ZFP90: variants seen among roughly 807,000 people sequenced by gnomAD.
ZFP90 encodes the protein zinc finger protein 90 homolog.
In ZFP90, 38 loss-of-function variants were observed where a neutral mutation model predicts 60.8. The ratio of observed to expected loss-of-function variants is 0.62; its 90% CI spans 0.48 to 0.82. The LOEUF (loss-of-function observed/expected upper bound fraction) is 0.82, where lower values mean the gene tolerates loss of function less well. ZFP90 is among the 40% of genes least tolerant of loss of function. ZFP90 has a pLI of 0.00. For synonymous variants in ZFP90, 287 were observed against 264.8 expected (o/e 1.08, Z -0.82); for missense variants, 711 against 759.1 (o/e 0.94, Z 0.74).
downstream of ZFP90, among the ~76,000 whole-genome samples, chr16:68,569,134 C>A (rs534264642): frequency 2.5e-4 from 20 of 80,688 alleles, no homozygotes; most frequent in African/African-American, 9.1e-4. Flanking sequence ...CAATTAGTCC[C>A]ACTTTTTTTT....
chr16:68,559,085 C>G (rs1041446016), intron 4 of ZFP90, among the ~76,000 whole-genome samples: 1 of 152,136 alleles, frequency 6.6e-6, no homozygotes, highest in Non-Finnish European at 1.5e-5. Flanking sequence ...TCTCCCAGTT[C>G]CTCGCTTGTT....
At chr16:68,570,651 C>T (rs1039455494), downstream of ZFP90, among the ~76,000 whole-genome samples, 2 of 152,262 alleles carry the variant, frequency 1.3e-5, no homozygotes, top group South Asian at 4.1e-4. Context: ...GCTTTCAGCA[C>T]TGTCTGCTGG....
chr16:68,558,443 A>G (rs369641252), intron 3 of ZFP90, 30 bp from the exon 4 acceptor site: 1 of 1,604,800 alleles, frequency 6.2e-7, no homozygotes, highest in Non-Finnish European at 8.5e-7. Flanking sequence ...TGCACAAACA[A>G]CCAAATCTTG....
At chr16:68,544,424 C>CA (rs971482796) in intron 2 of ZFP90, among the ~76,000 whole-genome samples, 1 of 151,776 alleles carries the variant, frequency 6.6e-6, no homozygotes, top group East Asian at 1.9e-4. Context: ...AACAAACAAA[C>CA]AAAAAAACAG....
chr16:68,563,593 T>A lies in ZFP90; in HGVS notation c.806T>A (p.Leu269His). 4 of 1,614,194 alleles carry A rather than the reference T, an allele frequency of 2.5e-6. No homozygotes were observed. Among genetic ancestry groups the A allele is most frequent in the Non-Finnish European group, 3.4e-6 (4 of 1,180,026 alleles). The stretch of plus-strand genomic sequence containing the variant: ...AAAACCTTTCTCTGGAAGACACAGC[T>A]TACTGAGCATCAGAGAATTCACACT... ...CGKTFLWKTQ[L>H]TEHQRIHTGE... The change falls in exon 5 of 5, where the codon CTT becomes CAT. Residue 269 changes from leucine (L) to histidine (H), a missense_variant. By Grantham distance (99) the Leu-to-His change is moderately conservative. Coordinates refer to ENST00000563169, the MANE Select transcript of ZFP90 (RefSeq NM_001305203.2).
At chr16:68,548,021 T>G (rs576501948) in intron 2 of ZFP90, among the ~76,000 whole-genome samples, 37 of 152,076 alleles carry the variant, frequency 2.4e-4, no homozygotes, top group Non-Finnish European at 4.7e-4. Context: ...GAGATGGAGT[T>G]TCACCATGTC....
chr16:68,561,394 G>A (rs530648981), intron 4 of ZFP90, among the ~76,000 whole-genome samples: 1 of 152,018 alleles, frequency 6.6e-6, no homozygotes, highest in East Asian at 1.9e-4. Context: ...TCCTCATTAG[G>A]CAATATATTC....
At chr16:68,542,694 A>G (rs895242376) in intron 2 of ZFP90, among the ~76,000 whole-genome samples, 1 of 152,102 alleles carries the variant, frequency 6.6e-6, no homozygotes, top group Non-Finnish European at 1.5e-5. Flanking sequence ...TCATTAAAGC[A>G]TTTTCTTTGT....
chr16:68,552,860 C>T (rs1376493846), intron 2 of ZFP90, among the ~76,000 whole-genome samples: 1 of 152,054 alleles, frequency 6.6e-6, no homozygotes, highest in Non-Finnish European at 1.5e-5. Context: ...GTTCATAGAC[C>T]AGCCTGGGCA....
intron 1 of ZFP90, 49 bp downstream of exon 1, chr16:68,539,528 G>T (rs915880276): frequency 4.6e-5 from 22 of 474,548 alleles, no homozygotes; most frequent in South Asian, 1.5e-4. Flanking sequence ...GGTGTCAGCC[G>T]GGCCTCGCCC....
chr16:68,563,561 C>T lies in ZFP90; in HGVS notation c.774C>T (p.Asp258=). The T allele has an allele frequency of 6.2e-7, 1 of 1,614,224 alleles. No homozygotes were observed. Among genetic ancestry groups the T allele is most frequent in the South Asian group, 1.1e-5 (1 of 91,082 alleles). The change falls in exon 5 of 5, where the codon GAC becomes GAT. Residue 258 remains aspartate (D), a synonymous_variant. Transcript: ENST00000563169. The part of the protein sequence containing the change: ...YPGKKHHECT[D]CGKTFLWKTQ... Reference sequence around the variant, plus strand: ...GAAAGAAACACCATGAATGTACCGACTGTGGGAAAACCTTTCTCTGGAAGA... The same window carrying T: ...GAAAGAAACACCATGAATGTACCGATTGTGGGAAAACCTTTCTCTGGAAGA...
intron 2 of ZFP90, among the ~76,000 whole-genome samples, chr16:68,540,060 A>G (rs975690290): frequency 6.6e-6 from 1 of 152,106 alleles, no homozygotes. Context: ...AGGAGTTGAG[A>G]TTGGATGCGT....
chr16:68,558,619 C>CTT, intron 4 of ZFP90, 51 bp downstream of exon 4: 1 of 1,526,250 alleles, frequency 6.6e-7, no homozygotes, highest in Non-Finnish European at 9.1e-7. Context: ...AATGGCACAA[C>CTT]TTAGGGAGGG....
intron 4 of ZFP90, 59 bp from the exon 5 acceptor site, chr16:68,562,985 C>A: frequency 6.2e-7 from 1 of 1,601,638 alleles, no homozygotes; most frequent in Non-Finnish European, 8.5e-7. Context: ...CATTCCTACT[C>A]TAGCAGTGTA....
At chr16:68,537,952 G>T (rs2090974488), upstream of ZFP90, among the ~76,000 whole-genome samples, 1 of 150,998 alleles carries the variant, frequency 6.6e-6, no homozygotes, top group African/African-American at 2.4e-5. Context: ...TGCTGTTGTT[G>T]CCCAGGTTGG....
At chr16:68,546,907 T>C (rs928390592) in intron 2 of ZFP90, among the ~76,000 whole-genome samples, 16 of 152,250 alleles carry the variant, frequency 1.1e-4, no homozygotes, top group Admixed American at 2.0e-4. Context: ...AGAACTTTCT[T>C]TTAAAGGCTG....
In ZFP90 at chr16:68,548,474, C is replaced by CTTTT. The variant is rs551779570; in HGVS notation, c.33+8676_33+8679dup. The stretch of plus-strand genomic sequence containing the variant: ...ATATTTCACTGTTCTGTTTATCCTC[C>CTTTT]TTTTTTTTTTTTTTTTTTTTTTTTT... On this transcript the variant is annotated intron_variant, in intron 2 of 4. Transcript: ENST00000563169. 7.3e-4 allele frequency among the ~76,000 whole-genome samples: 59 copies of CTTTT among 81,080 alleles called. 3 individuals carry two copies. The highest frequency in any genetic ancestry group is 1.4e-3 in the African/African-American group (27 of 19,014). 53.2% of individuals were successfully genotyped at this position (81,080 alleles called of 152,430 possible). A position where few individuals can be genotyped will look rare whatever the true frequency, so the allele number is the denominator to read the frequency against.
chr16:68,565,698 A>C lies in ZFP90; in HGVS notation c.*1000A>C. ...AATGGGAAAACAACAGAAAACTAAG[A>C]GGAGAATTTTCCCGTTAATTTTCTT... On this transcript the variant is annotated 3_prime_UTR_variant, in exon 5 of 5. Coordinates refer to ENST00000563169, the MANE Select transcript of ZFP90 (RefSeq NM_001305203.2). 1.0e-6 allele frequency: 1 copy of C among 982,122 alleles called. No homozygotes were observed. Among genetic ancestry groups the C allele is most frequent in the Non-Finnish European group, 1.2e-6 (1 of 829,302 alleles). 60.8% of individuals were successfully genotyped at this position (982,122 alleles called of 1,614,324 possible).
chr16:68,550,342 C>G (rs934299792), intron 2 of ZFP90, among the ~76,000 whole-genome samples: 6 of 152,162 alleles, frequency 3.9e-5, no homozygotes, highest in Non-Finnish European at 7.3e-5. Flanking sequence ...TCACTGTAAC[C>G]TCCGCCTCCT....
Sources: gnomAD v4.1 joint callset for allele counts (sites outside exome capture counted in the v4.1 genomes callset) on GRCh38, gnomAD v4.1.1 for gene constraint, MANE v1.5 for transcripts, NCBI Gene and HGNC (gene_info 2026-07-23, HGNC 2026-07-21) for gene names.